AGAP1: variants seen among roughly 807,000 people sequenced by gnomAD.
The protein encoded by AGAP1 is ArfGAP with GTPase domain, ankyrin repeat and PH domain 1, also known as arf-GAP with GTPase, ANK repeat and PH domain-containing protein 1.
Under a neutral mutation model 105.3 loss-of-function variants are expected in AGAP1, and 29 were observed. The ratio of observed to expected loss-of-function variants is 0.28; its 90% confidence interval spans 0.21 to 0.38. The LOEUF (loss-of-function observed/expected upper bound fraction) is 0.38. AGAP1 is among the 10% of genes least tolerant of loss of function. The pLI is 1.00. For missense variants in AGAP1, 998 were observed against 1,165.1 expected, an observed-to-expected ratio of 0.86 and a Z score of 2.09; for synonymous variants, 509 against 485.9, an observed-to-expected ratio of 1.05 and a Z score of -0.63.
Position 236,014,993 on chromosome 2 carries a change from G to A in AGAP1, c.1646-21568G>A, listed in dbSNP as rs1262116677. ...ATGGAAATGCAATTTGCCCAAAGCC[G>A]CATGCTCCCTTATTGTGTTTGCAGA... On this transcript the variant is annotated intron_variant, in intron 13 of 17. Coordinates refer to ENST00000304032, the MANE Select transcript of AGAP1 (RefSeq NM_001037131.3). The surrounding 1 kb of genome is among the most constrained non-coding windows in gnomAD (Gnocchi z 6.3). 2.0e-5 allele frequency: 6 copies of A among 302,030 alleles called. No individual in the cohort carries two copies. Among genetic ancestry groups the A allele is most frequent in the Admixed American group, 5.2e-5 (1 of 19,168 alleles). 18.7% of individuals were successfully genotyped at this position (302,030 alleles called of 1,614,324 possible).
At chr2:235,630,106 A>G (rs1559300488) in intron 1 of AGAP1, among the ~76,000 whole-genome samples, 1 of 152,324 alleles carries the variant, frequency 6.6e-6, no homozygotes, top group East Asian at 1.9e-4. Context: ...CTGTAGAAAG[A>G]TTTTGTGCCA....
intron 9 of AGAP1, among the ~76,000 whole-genome samples, chr2:235,862,636 C>G (rs60507206): frequency 0.024 from 3,697 of 152,356 alleles, 139 homozygotes; most frequent in African/African-American, 0.078. Context: ...CTAAAATTGA[C>G]ACATGGCTGT....
chr2:235,844,981 TA>T (rs1048016525), intron 9 of AGAP1, among the ~76,000 whole-genome samples: 18 of 152,304 alleles, frequency 1.2e-4, no homozygotes, highest in African/African-American at 4.1e-4. Context: ...CTGATTTTTG[TA>T]TGAGCAGCAA....
At chr2:235,913,167 A>G (rs2873335) in intron 11 of AGAP1, among the ~76,000 whole-genome samples, 118,452 of 152,054 alleles carry the variant, frequency 0.78, 46,237 homozygotes, top group East Asian at 0.98. Context: ...TATTTAGAAA[A>G]CCTTTCATAA....
chr2:235,688,601 C>G (rs958159236), intron 1 of AGAP1, among the ~76,000 whole-genome samples: 2 of 152,166 alleles, frequency 1.3e-5, no homozygotes, highest in African/African-American at 4.8e-5. Flanking sequence ...TCCCACATCT[C>G]CAGTTATAGG....
chr2:235,807,021 G>A (rs1957870215), intron 8 of AGAP1, among the ~76,000 whole-genome samples: 1 of 152,190 alleles, frequency 6.6e-6, no homozygotes, highest in African/African-American at 2.4e-5. Context: ...ATTCTGTGGT[G>A]GAAAAGTCAG....
chr2:236,120,392 C>T lies in AGAP1; in HGVS notation c.2315C>T (p.Ala772Val), dbSNP rs1349751380. 7 of 1,611,374 alleles carry T rather than the reference C, an allele frequency of 4.3e-6. No individual in the cohort carries two copies. The highest frequency in any genetic ancestry group is 3.4e-6 in the Non-Finnish European group (4 of 1,179,790). ...ETCGEGDGRTALHLACRKGNV... is the reference protein window; with the variant it reads ...ETCGEGDGRTVLHLACRKGNV... ...TGCGGGGAGGGAGACGGCCGCACGG[C>T]GCTGCATCTGGCCTGCCGCAAGGGG... Residue 772 changes from alanine to valine, a missense_variant, in exon 17 of 18, where the codon GCG (alanine) becomes GTG (valine). Ala to Val is a moderately conservative substitution (Grantham distance 64). Coordinates refer to ENST00000304032, the MANE Select transcript of AGAP1 (RefSeq NM_001037131.3). The surrounding 1 kb of genome is among the most constrained non-coding windows in gnomAD (Gnocchi z 6.0).
chr2:235,766,431 C>T (rs1249775212), intron 6 of AGAP1, among the ~76,000 whole-genome samples: 3 of 152,228 alleles, frequency 2.0e-5, no homozygotes, highest in South Asian at 4.1e-4. Context: ...TATTCTCCTG[C>T]GCAAATGTTT....
chr2:235,929,874 T>C (rs546013259), intron 11 of AGAP1, among the ~76,000 whole-genome samples: 2 of 152,312 alleles, frequency 1.3e-5, no homozygotes, highest in Admixed American at 6.5e-5. Flanking sequence ...TCCTGCACTG[T>C]GAAAAACTTA....
chr2:235,794,600 T>C (rs1160907877), intron 6 of AGAP1, among the ~76,000 whole-genome samples: 1 of 152,134 alleles, frequency 6.6e-6, no homozygotes, highest in African/African-American at 2.4e-5. Context: ...GCCTCCCAAG[T>C]AGTTGGGATT....
At chr2:235,947,373 A>G (rs909199333) in intron 12 of AGAP1, among the ~76,000 whole-genome samples, 3 of 152,126 alleles carry the variant, frequency 2.0e-5, no homozygotes, top group Non-Finnish European at 2.9e-5. Context: ...TGGTCTCCAA[A>G]TCTGCCCAGG....
In AGAP1 at chr2:236,123,992, A is replaced by G. The variant is rs2059962551; in HGVS notation, c.2444A>G (p.Gln815Arg). The G allele has an allele frequency of 4.3e-6, 7 of 1,613,934 alleles. No homozygotes were observed. The highest frequency in any genetic ancestry group is 1.1e-5 in the South Asian group (1 of 91,064). ...GCCTACGCCCGGCAGGCCTCCAGCC[A>G]GGAGTGCATCGACGTGCTGCTGCAG... is the stretch of plus-strand genomic sequence containing the variant. ...ALAYARQASS[Q>R]ECIDVLLQYG... The change falls in exon 18 of 18, where the codon CAG becomes CGG. Residue 815 changes from glutamine (Q) to arginine (R), a missense_variant. Physicochemically the swap from Gln to Arg is conservative, Grantham distance 43. Transcript: ENST00000304032. The surrounding 1 kb of genome is among the most constrained non-coding windows in gnomAD (Gnocchi z 4.6).
chr2:236,052,417 C>T lies in AGAP1; in HGVS notation c.2114+3136C>T, dbSNP rs544879446. 4.6e-5 allele frequency among the ~76,000 whole-genome samples: 7 copies of T among 152,296 alleles called. No individual in the cohort carries two copies. In the East Asian group the frequency reaches 1.2e-3, roughly 25 times the overall value. The stretch of plus-strand genomic sequence containing the variant: ...CCGCCGCACACTGGAGTCACCTATT[C>T]GTGCGGCCAGTTAGGACAGCAGGCG... On this transcript the variant is annotated intron_variant, in intron 16 of 17. Coordinates refer to ENST00000304032, the MANE Select transcript of AGAP1 (RefSeq NM_001037131.3).
intron 9 of AGAP1, among the ~76,000 whole-genome samples, chr2:235,826,505 A>G (rs1431816157): frequency 6.6e-6 from 1 of 151,442 alleles, no homozygotes; most frequent in Non-Finnish European, 1.5e-5. Flanking sequence ...GCTGGAGTGC[A>G]GTGGCACGAT....
chr2:235,833,263 C>T (rs1319405536), intron 9 of AGAP1, among the ~76,000 whole-genome samples: 2 of 152,148 alleles, frequency 1.3e-5, no homozygotes, highest in East Asian at 1.9e-4. Context: ...GGCGTAGGCA[C>T]GGGAGCGGGA....
At chr2:235,544,085 G>A (rs779282149) in intron 1 of AGAP1, among the ~76,000 whole-genome samples, 1 of 152,214 alleles carries the variant, frequency 6.6e-6, no homozygotes, top group Admixed American at 6.5e-5. Flanking sequence ...AATGCAGAGC[G>A]ATTCGTGGTG....
rs1559270729 is a variant in AGAP1 at position 236,096,016 on chromosome 2, C to T, written c.2115-24176C>T. 6.6e-6 allele frequency among the ~76,000 whole-genome samples: 1 copy of T among 152,216 alleles called. No individual in the cohort carries two copies. The highest frequency in any genetic ancestry group is 1.9e-4 in the East Asian group (1 of 5,198). On this transcript the variant is annotated intron_variant, in intron 16 of 17. Transcript: ENST00000304032. The surrounding 1 kb of genome is among the most constrained non-coding windows in gnomAD (Gnocchi z 4.4). ...TTTCCCCAGCTTCTGTGCCATGCTT[C>T]TTTATTGTTTTGGGTACTTGGAAAT...
intron 8 of AGAP1, among the ~76,000 whole-genome samples, chr2:235,806,402 A>G (rs762572844): frequency 6.6e-6 from 1 of 152,198 alleles, no homozygotes; most frequent in Non-Finnish European, 1.5e-5. Context: ...CATTGTGCTC[A>G]CACTTTCTCA....
At chr2:235,743,396 A>C (rs750074259) in intron 4 of AGAP1, among the ~76,000 whole-genome samples, 7 of 152,072 alleles carry the variant, frequency 4.6e-5, no homozygotes, top group Non-Finnish European at 8.8e-5. Context: ...TTATGGGCGC[A>C]GTGGGAGTCT....
Sources: gnomAD v4.1 joint callset for allele counts (sites outside exome capture counted in the v4.1 genomes callset) on GRCh38, gnomAD v4.1.1 for gene constraint, Gnocchi (gnomAD v3.1) non-coding constraint, MANE v1.5 for transcripts, NCBI Gene and HGNC (gene_info 2026-07-23, HGNC 2026-07-21) for gene names.